The following DDX19B variants were observed in gnomAD, a reference collection of about 807,000 sequenced individuals.
The protein encoded by DDX19B is DEAD-box helicase 19B.
A neutral mutation model predicts 58.1 loss-of-function variants in DDX19B; 27 were observed. The ratio of observed to expected loss-of-function variants is 0.46; its 90% CI spans 0.34 to 0.64. The LOEUF (loss-of-function observed/expected upper bound fraction) is 0.64. Ranked by LOEUF, DDX19B falls within the 30% of genes least tolerant of loss-of-function variation. The pLI, the probability that DDX19B is intolerant of heterozygous loss-of-function variation, is 0.01. For synonymous variants in DDX19B, 187 were observed against 214.4 expected (o/e 0.87, Z 1.12); for missense variants, 399 against 596.5 (o/e 0.67, Z 3.45).
At chr16:70,296,030 A>G (rs1961205553), upstream of DDX19B, among the ~76,000 whole-genome samples, 1 of 143,216 alleles carries the variant, frequency 7.0e-6, no homozygotes, top group African/African-American at 2.7e-5. Flanking sequence ...TTTGAGACAG[A>G]GGCTCGCTCT....
intron 1 of DDX19B, 58 bp downstream of exon 1, chr16:70,299,412 C>T: frequency 1.3e-6 from 2 of 1,518,788 alleles, no homozygotes; most frequent in Non-Finnish European, 1.8e-6. Context: ...GAGACTTGGT[C>T]CCTGGGAAAG....
In DDX19B at chr16:70,308,010, T is replaced by G. The variant is rs189117007; in HGVS notation, c.58-4599T>G. On this transcript the variant is annotated intron_variant, in intron 1 of 11. Transcript: ENST00000288071. ...CTCTGCTGCCAAGGCTGGAGTGCAG[T>G]GGCACCATGTCGGCTCACTGCAACC... Among the ~76,000 whole-genome samples, 109 of 152,226 alleles carry G rather than the reference T, an allele frequency of 7.2e-4. 1 individual carries two copies. The highest frequency in any genetic ancestry group is 2.4e-3 in the African/African-American group (100 of 41,554).
intron 7 of DDX19B, among the ~76,000 whole-genome samples, chr16:70,326,852 TGA>T (rs1227929094): frequency 6.8e-6 from 1 of 147,780 alleles, no homozygotes; most frequent in African/African-American, 2.5e-5. Context: ...CTTTTTTTTT[TGA>T]GAGAGAGTCT....
At chr16:70,321,596 C>T (rs1962818445) in intron 5 of DDX19B, among the ~76,000 whole-genome samples, 1 of 152,142 alleles carries the variant, frequency 6.6e-6, no homozygotes, top group African/African-American at 2.4e-5. Flanking sequence ...CCACAAGGAG[C>T]TTATGTTCTA....
At chr16:70,290,199 T>C (rs1427039361), upstream of DDX19B, among the ~76,000 whole-genome samples, 1 of 152,068 alleles carries the variant, frequency 6.6e-6, no homozygotes, top group Non-Finnish European at 1.5e-5. Flanking sequence ...ACCCAGGAGT[T>C]GGAGACCAGC....
Position 70,299,231 on chromosome 16 carries a change from G to C in DDX19B, c.-67G>C. On this transcript the variant is annotated 5_prime_UTR_variant, in exon 1 of 12. Coordinates refer to ENST00000288071, the MANE Select transcript of DDX19B (RefSeq NM_007242.7). ...GAGCAGAGCCTGCCGCGAACCCCCGGAGCCCACGATCCCTCGTGCCATCCC... is the reference window on the plus strand; with the variant it reads ...GAGCAGAGCCTGCCGCGAACCCCCGCAGCCCACGATCCCTCGTGCCATCCC... 1 of 1,469,700 alleles carries C rather than the reference G, an allele frequency of 6.8e-7. No homozygotes were observed. Among genetic ancestry groups the C allele is most frequent in the Non-Finnish European group, 9.0e-7 (1 of 1,109,132 alleles). 91.0% of individuals were successfully genotyped at this position (1,469,700 alleles called of 1,614,324 possible).
intron 5 of DDX19B, among the ~76,000 whole-genome samples, chr16:70,321,659 C>A (rs1339113788): frequency 6.6e-6 from 1 of 152,180 alleles, no homozygotes; most frequent in Non-Finnish European, 1.5e-5. Flanking sequence ...TGATAAATTA[C>A]AAACATTAAT....
intron 5 of DDX19B, among the ~76,000 whole-genome samples, chr16:70,319,996 T>G (rs1962678383): frequency 6.6e-6 from 1 of 152,208 alleles, no homozygotes; most frequent in Non-Finnish European, 1.5e-5. Flanking sequence ...GATAGTGTCT[T>G]TTTTTAAGCT....
upstream of DDX19B, among the ~76,000 whole-genome samples, chr16:70,290,643 G>C (rs1187448692): frequency 6.6e-6 from 1 of 152,226 alleles, no homozygotes; most frequent in Non-Finnish European, 1.5e-5. Flanking sequence ...AGGCTGCAGT[G>C]AGCCCTGATC....
intron 1 of DDX19B, among the ~76,000 whole-genome samples, chr16:70,300,604 A>T (rs958690448): frequency 6.6e-6 from 1 of 151,636 alleles, no homozygotes; most frequent in East Asian, 1.9e-4. Context: ...TCTCTTGCCA[A>T]CTACAACCTC....
chr16:70,292,084 G>A (rs536008581), upstream of DDX19B, among the ~76,000 whole-genome samples: 2 of 152,226 alleles, frequency 1.3e-5, no homozygotes, highest in East Asian at 1.9e-4. Flanking sequence ...CCCAGAAGCT[G>A]AAGGCTTCAG....
intron 5 of DDX19B, among the ~76,000 whole-genome samples, chr16:70,323,765 G>C (rs1173586513): frequency 6.6e-6 from 1 of 152,078 alleles, no homozygotes; most frequent in Non-Finnish European, 1.5e-5. Flanking sequence ...TTCAAGGCAA[G>C]ACTTGGTTCT....
upstream of DDX19B, among the ~76,000 whole-genome samples, chr16:70,295,450 ATT>A (rs1555544525): frequency 1.4e-5 from 2 of 142,940 alleles, no homozygotes; most frequent in Non-Finnish European, 1.5e-5. Flanking sequence ...CTTAAAAAAA[ATT>A]TTTTTTTTTT....
At chr16:70,330,632 A>T (rs1202712520) in intron 9 of DDX19B, among the ~76,000 whole-genome samples, 5 of 152,152 alleles carry the variant, frequency 3.3e-5, no homozygotes, top group Admixed American at 2.6e-4. Flanking sequence ...CAACAAAAAA[A>T]GAGTATAAGC....
chr16:70,302,972 C>T (rs1467777708), intron 1 of DDX19B, among the ~76,000 whole-genome samples: 1 of 152,146 alleles, frequency 6.6e-6, no homozygotes, highest in Non-Finnish European at 1.5e-5. Flanking sequence ...ATATATCTCC[C>T]TAATGACTAA....
rs942357133 is a variant in DDX19B, at chr16:70,329,338, T to G, written c.654T>G (p.Pro218=). Residue 218 remains proline (P), a synonymous_variant, in exon 8 of 12, where the codon CCT becomes CCG. Coordinates refer to ENST00000288071, the MANE Select transcript of DDX19B (RefSeq NM_007242.7). ...GTGAGCAGATTGTCATTGGCACCCC[T>G]GGGACTGTGCTGGACTGGTGCTCCA... ...KISEQIVIGT[P]GTVLDWCSKL... 1.2e-6 allele frequency: 2 copies of G among 1,613,890 alleles called. No homozygotes were observed. Among genetic ancestry groups the G allele is most frequent in the African/African-American group, 1.3e-5 (1 of 74,872 alleles).
intron 9 of DDX19B, among the ~76,000 whole-genome samples, chr16:70,331,478 A>C (rs1313078676): frequency 6.6e-6 from 1 of 152,210 alleles, no homozygotes; most frequent in African/African-American, 2.4e-5. Context: ...TTGAAAGAAA[A>C]ATTTTTTTTT....
chr16:70,331,887 G>A lies in DDX19B; in HGVS notation c.1186+3G>A, dbSNP rs1178840871. ...GACCACCAACGTGTGTGCCCGCGGT[G>A]AGCAGAGGACGTGTCCCACCTGGTC... On this transcript the variant is annotated splice_donor_region_variant and intron_variant, in intron 10 of 11. Coordinates refer to ENST00000288071, the MANE Select transcript of DDX19B (RefSeq NM_007242.7). 3 of 1,613,320 alleles carry A rather than the reference G, an allele frequency of 1.9e-6. No homozygotes were observed. The highest frequency in any genetic ancestry group is 2.7e-5 in the African/African-American group (2 of 74,896).
intron 1 of DDX19B, among the ~76,000 whole-genome samples, chr16:70,305,243 G>A (rs1464243735): frequency 1.3e-5 from 2 of 152,198 alleles, no homozygotes; most frequent in East Asian, 3.8e-4. Context: ...CTGCCTAGAT[G>A]GTGGAGGTCT....
Sources: gnomAD v4.1 joint callset for allele counts (sites outside exome capture counted in the v4.1 genomes callset) on GRCh38, gnomAD v4.1.1 for gene constraint, MANE v1.5 for transcripts, NCBI Gene and HGNC (gene_info 2026-07-23, HGNC 2026-07-21) for gene names.